The following SARDH variants were observed in gnomAD, a reference collection of about 807,000 sequenced individuals.
SARDH encodes sarcosine dehydrogenase, mitochondrial.
In SARDH, 95 loss-of-function variants were observed where a neutral mutation model predicts 109.1. That is an observed-to-expected ratio of 0.87 (90% CI 0.74 to 1.03). The LOEUF is 1.03. Among genes scored for constraint, SARDH ranks in the 50% least tolerant of loss-of-function variants. The pLI is 0.00. For missense variants in SARDH, 1,267 were observed against 1,287.8 expected, an observed-to-expected ratio of 0.98 and a Z score of 0.25; for synonymous variants, 572 against 534.8, an observed-to-expected ratio of 1.07 and a Z score of -0.96.
chr9:133,661,773 G>GC (rs1349664575), downstream of SARDH, among the ~76,000 whole-genome samples: 6 of 152,280 alleles, frequency 3.9e-5, no homozygotes, highest in Non-Finnish European at 5.9e-5. Flanking sequence ...CAGTCACTGC[G>GC]CCCGGCCAGT....
intron 1 of SARDH, among the ~76,000 whole-genome samples, chr9:133,734,828 G>A (rs958237572): frequency 9.9e-5 from 15 of 152,192 alleles, no homozygotes; most frequent in East Asian, 7.7e-4. Context: ...GGCGGGGGCC[G>A]TCCCGCCAGC....
At chr9:133,696,633 T>A (rs559446520) in intron 13 of SARDH, among the ~76,000 whole-genome samples, 13 of 152,182 alleles carry the variant, frequency 8.5e-5, no homozygotes, top group Non-Finnish European at 1.9e-4. Flanking sequence ...AAGGATGTCC[T>A]CTGACCGCGA....
At chr9:133,723,961 A>G (rs1304608646) in intron 6 of SARDH, among the ~76,000 whole-genome samples, 6 of 152,210 alleles carry the variant, frequency 3.9e-5, no homozygotes, top group South Asian at 2.1e-4. Context: ...GATTACAGGC[A>G]TAAGTATAAG....
In SARDH at chr9:133,708,407, C is replaced by T. The variant is rs371233114; in HGVS notation, c.1350G>A (p.Thr450=). The part of the protein sequence containing the change: ...YDIRRFHHSL[T]DHPRWIRERS... The stretch of plus-strand genomic sequence containing the variant: ...GCTCTCGGATCCAGCGGGGGTGGTC[C>T]GTGAGCGAGTGATGGAAGCGCCTGC... Residue 450 remains threonine, a synonymous_variant, in exon 11 of 21, where the codon ACG becomes ACA. Coordinates refer to ENST00000439388, the MANE Select transcript of SARDH (RefSeq NM_001134707.2). 23 of 1,610,902 alleles carry T rather than the reference C, an allele frequency of 1.4e-5. No homozygotes were observed. The highest frequency in any genetic ancestry group is 1.3e-4 in the East Asian group (6 of 44,818).
Position 133,718,598 on chromosome 9 carries a change from G to T in SARDH, c.1020+340C>A. ...AACAGCCCAGGCCAGGGGAAATGCC[G>T]CTGCAGCAGCTGGTTGGGAGGGCAG... On this transcript the variant is annotated intron_variant, in intron 7 of 20. Transcript: ENST00000439388. This position sits in a 1 kb window ranked among gnomAD's most constrained non-coding sequence, Gnocchi z 4.2. 1 of 764,326 alleles carries T rather than the reference G, an allele frequency of 1.3e-6. No homozygotes were observed. The highest frequency in any genetic ancestry group is 2.4e-5 in the East Asian group (1 of 40,962). The allele number at this position is 764,326 out of a possible 1,614,324, so 47.3% of individuals were successfully genotyped here. A position where few individuals can be genotyped will look rare whatever the true frequency, so the allele number is the denominator to read the frequency against.
intron 2 of SARDH, among the ~76,000 whole-genome samples, chr9:133,733,055 G>A (rs1275940979): frequency 6.6e-6 from 1 of 152,232 alleles, no homozygotes; most frequent in East Asian, 1.9e-4. Context: ...TCCAGCAGCT[G>A]AATGTGAGAG....
upstream of SARDH, chr9:133,739,949 T>G (rs906208387): frequency 2.6e-5 from 4 of 152,280 alleles, no homozygotes; most frequent in African/African-American, 9.6e-5. Context: ...AAAGACAAGT[T>G]GCAACTGTTG....
intron 1 of SARDH, among the ~76,000 whole-genome samples, chr9:133,734,704 C>G (rs143009598): frequency 6.6e-6 from 1 of 152,118 alleles, no homozygotes; most frequent in Non-Finnish European, 1.5e-5. Flanking sequence ...CCCGTGAGGC[C>G]GGGCAGGGAG....
chr9:133,672,749 G>A (rs113073336), intron 17 of SARDH, among the ~76,000 whole-genome samples: 5,554 of 152,332 alleles, frequency 0.036, 128 homozygotes, highest in Admixed American at 0.051. Flanking sequence ...GGAAGGGGCC[G>A]GAAAGCAAGA....
chr9:133,730,336 G>A (rs72761174), intron 4 of SARDH, 149 bp from the exon 5 acceptor site: 49,716 of 1,040,166 alleles, frequency 0.048, 1,442 homozygotes, highest in Non-Finnish European at 0.054. Context: ...CAGGGAAACC[G>A]GATGACCACA....
intron 1 of SARDH, among the ~76,000 whole-genome samples, chr9:133,737,840 C>T (rs1231957750): frequency 6.6e-6 from 1 of 152,262 alleles, no homozygotes; most frequent in Non-Finnish European, 1.5e-5. Context: ...AACTCTGTCT[C>T]GTACCTGAGT....
Position 133,663,569 on chromosome 9 carries a change from G to A in SARDH, c.*320C>T, listed in dbSNP as rs905068073. 6 of 340,210 alleles carry A rather than the reference G, an allele frequency of 1.8e-5. No individual in the cohort carries two copies. The highest frequency in any genetic ancestry group is 3.2e-5 in the Non-Finnish European group (6 of 187,152). The allele number at this position is 340,210 out of a possible 1,614,324, so 21.1% of individuals were successfully genotyped here. A position where few individuals can be genotyped will look rare whatever the true frequency, so the allele number is the denominator to read the frequency against. On this transcript the variant is annotated 3_prime_UTR_variant, in exon 21 of 21. Coordinates refer to ENST00000439388, the MANE Select transcript of SARDH (RefSeq NM_001134707.2). ...CCTATTTGCTTCGCTGTTTTCACGTGGGGCTTATCAAGTATTTACTAAGCA... is the reference window on the plus strand; with the variant it reads ...CCTATTTGCTTCGCTGTTTTCACGTAGGGCTTATCAAGTATTTACTAAGCA...
rs79366868 is a variant in SARDH at position 133,688,347 on chromosome 9, C to A, written c.2069+2033G>T. ...TCTCTGTCCCCTACCCTCCCCCGAC[C>A]CTCTCAGCACACCCCATCCACTGTC... On this transcript the variant is annotated intron_variant, in intron 16 of 20. Transcript: ENST00000439388. Among the ~76,000 whole-genome samples the A allele has an allele frequency of 1.8e-3, 273 of 152,098 alleles. 6 individuals carry two copies. In the East Asian group the frequency reaches 0.024, roughly 13 times the overall value.
rs766013165 is a variant in SARDH at position 133,708,286 on chromosome 9, C to A, written c.1470+1G>T. 3 of 1,611,832 alleles carry A rather than the reference C, an allele frequency of 1.9e-6. No homozygotes were observed. The highest frequency in any genetic ancestry group is 2.2e-5 in the East Asian group (1 of 44,810). On this transcript the variant is annotated splice_donor_variant, in intron 11 of 20. Transcript: ENST00000439388. LOFTEE classifies it high-confidence loss of function. ...CCCAGCAGGAGCTGTAGGGGCGTTA[C>A]CTCGTGCAGCGGGTCTCTCCTCATG...
intron 11 of SARDH, among the ~76,000 whole-genome samples, chr9:133,707,809 G>A (rs1372502394): frequency 1.3e-5 from 2 of 152,144 alleles, no homozygotes; most frequent in Non-Finnish European, 2.9e-5. Context: ...CCTGAGAAAG[G>A]GGCACCTGAC....
chr9:133,736,326 T>C (rs1832883334), intron 1 of SARDH, among the ~76,000 whole-genome samples: 1 of 152,218 alleles, frequency 6.6e-6, no homozygotes, highest in Non-Finnish European at 1.5e-5. Flanking sequence ...TGCAATAAAT[T>C]GCTCTATGTT....
Position 133,733,891 on chromosome 9 carries a change from G to A in SARDH, c.283C>T (p.Leu95=), listed in dbSNP as rs141470749. ...GAGGTCAGCCGCTCCCGCTCCAGCA[G>A]CACCGCCCCACTCATGCCCAGCTTG... ...LAKLGMSGAV[L]LERERLTSGT... Residue 95 remains leucine (L), a synonymous_variant, in exon 2 of 21, where the codon CTG becomes TTG. Coordinates refer to ENST00000439388, the MANE Select transcript of SARDH (RefSeq NM_001134707.2). The A allele has an allele frequency of 1.8e-4, 271 of 1,520,674 alleles. No individual in the cohort carries two copies. In the African/African-American group the frequency reaches 3.4e-3, roughly 19 times the overall value. The allele number at this position is 1,520,674 out of a possible 1,614,324, so 94.2% of individuals were successfully genotyped here.
chr9:133,705,309 C>T, intron 11 of SARDH, among the ~76,000 whole-genome samples: 1 of 119,474 alleles, frequency 8.4e-6, no homozygotes, highest in Non-Finnish European at 1.8e-5. Flanking sequence ...CTGAGAACCC[C>T]CATCTATAGA....
At chr9:133,739,358 G>A (rs1832986923), upstream of SARDH, among the ~76,000 whole-genome samples, 1 of 152,226 alleles carries the variant, frequency 6.6e-6, no homozygotes, top group African/African-American at 2.4e-5. Context: ...ATGTCCGACT[G>A]TCTTGTTGCC....
Sources: allele counts gnomAD v4.1 joint callset (sites outside exome capture counted in the v4.1 genomes callset), GRCh38; gene constraint gnomAD v4.1.1; non-coding constraint Gnocchi (gnomAD v3.1); transcripts MANE v1.5; gene names NCBI Gene and HGNC (gene_info 2026-07-23, HGNC 2026-07-21).